CCDC149: variants seen among roughly 807,000 people sequenced by gnomAD.
CCDC149 encodes coiled-coil domain-containing protein 149.
A neutral mutation model predicts 59.9 loss-of-function variants in CCDC149; 45 were observed. That is an observed-to-expected ratio of 0.75 (90% CI 0.59 to 0.96). The LOEUF (loss-of-function observed/expected upper bound fraction) is 0.96. CCDC149 is among the 40% of genes least tolerant of loss of function. The pLI is 0.00. For missense variants in CCDC149, 584 were observed against 664.7 expected, an observed-to-expected ratio of 0.88 and a Z score of 1.33; for synonymous variants, 245 against 260.6, an observed-to-expected ratio of 0.94 and a Z score of 0.58.
At chr4:24,898,700 C>T (rs532230983) in intron 1 of CCDC149, among the ~76,000 whole-genome samples, 2 of 152,312 alleles carry the variant, frequency 1.3e-5, no homozygotes, top group Admixed American at 1.3e-4. Context: ...AACCGAGTTA[C>T]CCTGCCAACA....
chr4:24,968,066 G>A (rs562691005), intron 1 of CCDC149, among the ~76,000 whole-genome samples: 1 of 152,342 alleles, frequency 6.6e-6, no homozygotes, highest in South Asian at 2.1e-4. Flanking sequence ...GGATGATGCA[G>A]CTGAGACTGC....
intron 1 of CCDC149, among the ~76,000 whole-genome samples, chr4:24,945,567 C>T (rs1231433091): frequency 3.3e-5 from 5 of 151,836 alleles, no homozygotes; most frequent in Non-Finnish European, 5.9e-5. Flanking sequence ...ACTGTGAGAA[C>T]GTAAATGTCT....
intron 12 of CCDC149, among the ~76,000 whole-genome samples, chr4:24,817,958 C>T (rs968304819): frequency 1.3e-5 from 2 of 152,098 alleles, no homozygotes; most frequent in African/African-American, 4.8e-5. Context: ...TGGAGAGCCA[C>T]TTTGGATTTT....
intron 1 of CCDC149, among the ~76,000 whole-genome samples, chr4:24,896,880 T>C (rs572797960): frequency 6.6e-6 from 1 of 152,316 alleles, no homozygotes; most frequent in South Asian, 2.1e-4. Flanking sequence ...ATCAACGTCC[T>C]CGTGTTAATT....
intron 1 of CCDC149, among the ~76,000 whole-genome samples, chr4:24,963,277 C>A (rs1004436582): frequency 1.3e-5 from 2 of 148,426 alleles, no homozygotes; most frequent in Non-Finnish European, 3.0e-5. Flanking sequence ...TAAGACTGAA[C>A]AGAGAGTTGA....
intron 4 of CCDC149, among the ~76,000 whole-genome samples, chr4:24,851,978 T>A (rs1327841471): frequency 6.6e-6 from 1 of 151,464 alleles, no homozygotes; most frequent in African/African-American, 2.4e-5. Flanking sequence ...ATCCAAGAGG[T>A]TAAAAAAATT....
At chr4:24,873,487 C>A (rs1355991502) in intron 3 of CCDC149, among the ~76,000 whole-genome samples, 194 bp downstream of exon 3, 1 of 152,204 alleles carries the variant, frequency 6.6e-6, no homozygotes, top group African/African-American at 2.4e-5. Context: ...TGTACCTCCC[C>A]CAACCAGACT....
chr4:24,870,545 T>C (rs181673858), intron 3 of CCDC149, among the ~76,000 whole-genome samples: 365 of 152,326 alleles, frequency 2.4e-3, no homozygotes, highest in Non-Finnish European at 3.6e-3. Context: ...AGAAACTTAA[T>C]GCCGTATGAA....
intron 1 of CCDC149, among the ~76,000 whole-genome samples, chr4:24,947,707 G>T (rs140006215): frequency 7.5e-4 from 114 of 152,180 alleles, no homozygotes; most frequent in African/African-American, 2.7e-3. Flanking sequence ...CACTCATCTT[G>T]TGGGCTTCAT....
At chr4:24,929,926 G>A (rs1270223314) in intron 1 of CCDC149, among the ~76,000 whole-genome samples, 2 of 152,174 alleles carry the variant, frequency 1.3e-5, no homozygotes, top group Non-Finnish European at 2.9e-5. Flanking sequence ...TTTGAATGCA[G>A]GTGCTCAACA....
At chr4:24,905,675 A>G (rs759029288) in intron 1 of CCDC149, among the ~76,000 whole-genome samples, 11 of 152,132 alleles carry the variant, frequency 7.2e-5, no homozygotes, top group Non-Finnish European at 1.5e-4. Context: ...ACCTCAGGTG[A>G]TCCACCTGCC....
chr4:24,928,295 A>G (rs1722487433), intron 1 of CCDC149, among the ~76,000 whole-genome samples: 1 of 152,210 alleles, frequency 6.6e-6, no homozygotes, highest in African/African-American at 2.4e-5. Flanking sequence ...GGACTGTGAT[A>G]GCATAAAAGA....
intron 1 of CCDC149, among the ~76,000 whole-genome samples, chr4:24,977,147 G>A (rs1009046492): frequency 6.6e-6 from 1 of 152,168 alleles, no homozygotes; most frequent in African/African-American, 2.4e-5. Flanking sequence ...GGGTGGACAT[G>A]GGACTTAGTG....
intron 1 of CCDC149, among the ~76,000 whole-genome samples, chr4:24,903,647 G>A (rs1721307877): frequency 6.6e-6 from 1 of 152,054 alleles, no homozygotes; most frequent in Admixed American, 6.6e-5. Context: ...ATCTCAACAA[G>A]CTTACACAGT....
chr4:24,962,153 T>C (rs563739889), intron 1 of CCDC149, among the ~76,000 whole-genome samples: 1,634 of 152,070 alleles, frequency 0.011, 18 homozygotes, highest in Non-Finnish European at 0.017. Flanking sequence ...GGGCAAAGGA[T>C]ATGAACAGAC....
rs1714361051 is a variant in CCDC149, at chr4:24,808,480, T to C, written c.1532A>G (p.Glu511Gly). The C allele has an allele frequency of 7.4e-6, 11 of 1,480,994 alleles. No individual in the cohort carries two copies. In the South Asian group the frequency reaches 1.6e-4, roughly 21 times the overall value. 91.7% of individuals were successfully genotyped at this position (1,480,994 alleles called of 1,614,324 possible). Residue 511 changes from glutamate (E) to glycine (G), a missense_variant, in exon 13 of 13, where the codon GAG becomes GGG. By Grantham distance (98) the Glu-to-Gly change is moderately conservative. Transcript: ENST00000635206. ...AGCTTTGGCTGCTGGCCGGCTGGCCTCGAAGGAGTCCAGGTGAGATTTAGG... is the reference window on the plus strand; with the variant it reads ...AGCTTTGGCTGCTGGCCGGCTGGCCCCGAAGGAGTCCAGGTGAGATTTAGG...
At chr4:24,912,733 A>G in intron 1 of CCDC149, 84 bp downstream of exon 1, 3 of 1,008,706 alleles carry the variant, frequency 3.0e-6, no homozygotes, top group Non-Finnish European at 3.7e-6. Flanking sequence ...CGTCCCTCCC[A>G]GCTCGGCCTC....
Position 24,813,516 on chromosome 4 carries a change from AT to A in CCDC149, c.1193-4698del, listed in dbSNP as rs1560197683. Among the ~76,000 whole-genome samples, 168 of 144,030 alleles carry A rather than the reference AT, an allele frequency of 1.2e-3. 1 individual carries two copies. Among genetic ancestry groups the A allele is most frequent in the African/African-American group, 2.4e-3 (92 of 38,870 alleles). The allele number at this position is 144,030 out of a possible 152,430, so 94.5% of individuals were successfully genotyped here. On this transcript the variant is annotated intron_variant, in intron 12 of 12. Transcript: ENST00000635206. ...TATATATATATATATATATATATAT[AT>A]ATATATATATAAAACCTAAAAAGGA...
intron 1 of CCDC149, among the ~76,000 whole-genome samples, chr4:24,954,714 C>T (rs534186840): frequency 6.6e-6 from 1 of 152,294 alleles, no homozygotes; most frequent in African/African-American, 2.4e-5. Flanking sequence ...ACAGTTCTGT[C>T]CCCAAGGTCC....
Sources: allele counts gnomAD v4.1 joint callset (sites outside exome capture counted in the v4.1 genomes callset), GRCh38; gene constraint gnomAD v4.1.1; transcripts MANE v1.5; gene names NCBI Gene and HGNC (gene_info 2026-07-23, HGNC 2026-07-21).